ATP10B: variants seen among roughly 807,000 people sequenced by gnomAD.
ATP10B encodes the protein phospholipid-transporting ATPase VB.
In ATP10B, 122 loss-of-function variants were observed where a neutral mutation model predicts 141.2. The ratio of observed to expected loss-of-function variants is 0.86; its 90% CI spans 0.75 to 1.00. The LOEUF (loss-of-function observed/expected upper bound fraction) is 1.00. ATP10B is among the 50% of genes least tolerant of loss of function. The pLI is 0.00. For missense variants in ATP10B, 1,876 were observed against 1,825.3 expected (o/e 1.03, Z -0.51); for synonymous variants, 685 against 692.0 (o/e 0.99, Z 0.16).
chr5:160,929,346 A>C, the ATP10B span, among the ~76,000 whole-genome samples: 1 of 152,152 alleles, frequency 6.6e-6, no homozygotes, highest in Non-Finnish European at 1.5e-5. Flanking sequence ...ATCCCATCAA[A>C]GGGGAGCGAC....
intron 1 of ATP10B, among the ~76,000 whole-genome samples, chr5:160,792,529 G>A (rs903722759): frequency 2.0e-5 from 3 of 151,952 alleles, no homozygotes; most frequent in African/African-American, 7.3e-5. Context: ...AGACAATTCT[G>A]CTTGCCAGGA....
In ATP10B at chr5:160,612,911, C is replaced by A. The variant is rs748872879; in HGVS notation, c.2668G>T (p.Glu890Ter). The change falls in exon 18 of 26, where the codon GAA (glutamate) becomes TAA (stop). Residue 890 changes from glutamate (E) to a stop codon, truncating the protein, a stop_gained. Transcript: ENST00000327245. LOFTEE classifies it high-confidence loss of function. The part of the protein sequence containing the change: ...QLTLLGATGI[E>*]DRLQEGVPDT... Reference sequence around the variant, plus strand: ...GGAACTCCTTCCTGCAGCCGGTCTTCGATCCCAGTGGCTCCTGGAGTGATG... The same window carrying A: ...GGAACTCCTTCCTGCAGCCGGTCTTAGATCCCAGTGGCTCCTGGAGTGATG... The A allele has an allele frequency of 6.2e-7, 1 of 1,613,208 alleles. No homozygotes were observed. Among genetic ancestry groups the A allele is most frequent in the South Asian group, 1.1e-5 (1 of 91,004 alleles).
chr5:160,720,493 A>C (rs2127781196), intron 2 of ATP10B, among the ~76,000 whole-genome samples: 1 of 152,380 alleles, frequency 6.6e-6, no homozygotes, highest in Middle Eastern at 3.4e-3. Flanking sequence ...TTAAAATTAA[A>C]GTCAGCTCTC....
At chr5:160,831,749 A>G (rs1775095022) in intron 1 of ATP10B, among the ~76,000 whole-genome samples, 1 of 152,164 alleles carries the variant, frequency 6.6e-6, no homozygotes, top group Non-Finnish European at 1.5e-5. Flanking sequence ...GATTGAAGAA[A>G]CAAACATATA....
At chr5:160,799,310 C>T (rs920860604) in intron 1 of ATP10B, among the ~76,000 whole-genome samples, 7 of 152,096 alleles carry the variant, frequency 4.6e-5, no homozygotes, top group South Asian at 2.1e-4. Flanking sequence ...CTGATTTAAC[C>T]GTCTCCACCA....
At chr5:160,831,769 TA>T (rs2048417071) in intron 1 of ATP10B, among the ~76,000 whole-genome samples, 1 of 152,136 alleles carries the variant, frequency 6.6e-6, no homozygotes, top group Admixed American at 6.6e-5. Context: ...AAATTTATTT[TA>T]AAAAGAACAA....
chr5:160,603,820 C>T (rs879049284), intron 20 of ATP10B, 145 bp downstream of exon 20: 10 of 633,604 alleles, frequency 1.6e-5, no homozygotes, highest in Middle Eastern at 2.6e-4. Context: ...TTCAAATGTC[C>T]TTATGTCTGT....
intron 2 of ATP10B, among the ~76,000 whole-genome samples, chr5:160,779,234 G>A (rs2065819047): frequency 6.6e-6 from 1 of 152,104 alleles, no homozygotes. Flanking sequence ...TATATAAAAG[G>A]AAAAGATTTA....
intron 2 of ATP10B, among the ~76,000 whole-genome samples, chr5:160,746,973 C>T (rs1767847937): frequency 6.6e-6 from 1 of 152,172 alleles, no homozygotes; most frequent in Non-Finnish European, 1.5e-5. Flanking sequence ...TGCAGATGGT[C>T]TTAGTTTGTT....
At chr5:160,647,953 C>T (rs1391603690) in intron 8 of ATP10B, among the ~76,000 whole-genome samples, 2 of 152,158 alleles carry the variant, frequency 1.3e-5, no homozygotes, top group African/African-American at 4.8e-5. Context: ...AAGACAACTG[C>T]ATTTCAGGGA....
At chr5:160,795,416 G>T (rs923412594) in intron 1 of ATP10B, among the ~76,000 whole-genome samples, 2 of 152,032 alleles carry the variant, frequency 1.3e-5, no homozygotes, top group African/African-American at 4.8e-5. Context: ...TCCCATCTCT[G>T]TCCTAAGGTT....
chr5:160,689,244 A>G (rs1443563668), intron 3 of ATP10B, among the ~76,000 whole-genome samples: 1 of 152,246 alleles, frequency 6.6e-6, no homozygotes, highest in Non-Finnish European at 1.5e-5. Context: ...AATAAGAGCC[A>G]TTTATTACAA....
rs184592667 is a variant in ATP10B at position 160,833,572 on chromosome 5, A to G, written c.-576+18369T>C. ...ATTATGAGACAGGCAAAGGAGCAGGAAAAGTTGGTTCATAATCAAGTGAAA... is the reference window on the plus strand; with the variant it reads ...ATTATGAGACAGGCAAAGGAGCAGGGAAAGTTGGTTCATAATCAAGTGAAA... On this transcript the variant is annotated intron_variant, in intron 1 of 25. Transcript: ENST00000327245. Among the ~76,000 whole-genome samples the G allele has an allele frequency of 6.0e-3, 916 of 152,304 alleles. 13 individuals are homozygous for G. The highest frequency in any genetic ancestry group is 0.021 in the African/African-American group (872 of 41,564).
chr5:160,788,812 C>G (rs1352679673), intron 1 of ATP10B, among the ~76,000 whole-genome samples: 1 of 152,096 alleles, frequency 6.6e-6, no homozygotes, highest in Non-Finnish European at 1.5e-5. Flanking sequence ...TGCCAGAGAA[C>G]ATAAGTAAGT....
Position 160,815,502 on chromosome 5 carries a change from A to C in ATP10B, c.-575-29699T>G, listed in dbSNP as rs544658432. ...AGATTCATAAAGCAAGTCCTTAGAG[A>C]CCTACAAAGAGACTTAGTCCTTAGA... On this transcript the variant is annotated intron_variant, in intron 1 of 25. Transcript: ENST00000327245. 6.6e-5 allele frequency among the ~76,000 whole-genome samples: 10 copies of C among 152,250 alleles called. No individual in the cohort carries two copies. The South Asian group carries it at 2.1e-3, about 32-fold the overall frequency.
chr5:160,903,901 C>T, the ATP10B span, among the ~76,000 whole-genome samples: 1 of 152,134 alleles, frequency 6.6e-6, no homozygotes, highest in African/African-American at 2.4e-5. Context: ...GGCTAGCAGC[C>T]TAGGTTGGTG....
intron 22 of ATP10B, among the ~76,000 whole-genome samples, chr5:160,596,323 C>T (rs572345017): frequency 1.3e-5 from 2 of 152,018 alleles, no homozygotes; most frequent in Admixed American, 1.3e-4. Context: ...GCAGAAAAGG[C>T]CTTTGACGAA....
chr5:160,588,302 A>G (rs1361828533), intron 24 of ATP10B, among the ~76,000 whole-genome samples: 1 of 152,190 alleles, frequency 6.6e-6, no homozygotes, highest in East Asian at 1.9e-4. Context: ...GGGGTTTTCA[A>G]AATGAGAACT....
chr5:160,798,784 T>C (rs1272179633), intron 1 of ATP10B, among the ~76,000 whole-genome samples: 2 of 141,660 alleles, frequency 1.4e-5, no homozygotes, highest in African/African-American at 2.6e-5. Flanking sequence ...AAAGGCTTAC[T>C]CTGTCACCCA....
Sources: gnomAD v4.1 joint callset for allele counts (sites outside exome capture counted in the v4.1 genomes callset) on GRCh38, gnomAD v4.1.1 for gene constraint, MANE v1.5 for transcripts, NCBI Gene and HGNC (gene_info 2026-07-23, HGNC 2026-07-21) for gene names.